SEL1L2: variants seen among roughly 807,000 people sequenced by gnomAD.
SEL1L2 encodes protein sel-1 homolog 2.
A neutral mutation model predicts 98.8 loss-of-function variants in SEL1L2; 89 were observed. The observed-to-expected ratio is 0.90, with a 90% CI of 0.76 to 1.07. The LOEUF (loss-of-function observed/expected upper bound fraction) is 1.07. SEL1L2 is among the 50% of genes least tolerant of loss of function. The pLI, the probability that SEL1L2 is intolerant of heterozygous loss-of-function variation, is 0.00. For missense variants in SEL1L2, 788 were observed against 812.0 expected, an observed-to-expected ratio of 0.97 and a Z score of 0.36; for synonymous variants, 262 against 278.5, an observed-to-expected ratio of 0.94 and a Z score of 0.59.
chr20:13,912,352 C>A (rs2148181759), intron 5 of SEL1L2, among the ~76,000 whole-genome samples: 1 of 141,454 alleles, frequency 7.1e-6, no homozygotes, highest in Admixed American at 7.7e-5. Flanking sequence ...CGTTGGAGTG[C>A]AGTGGCACAG....
At chr20:13,875,319 G>A (rs2046383763) in intron 12 of SEL1L2, among the ~76,000 whole-genome samples, 1 of 152,178 alleles carries the variant, frequency 6.6e-6, no homozygotes, top group Non-Finnish European at 1.5e-5. Flanking sequence ...TGCCCAGGCT[G>A]GTCTCAAACT....
intron 3 of SEL1L2, among the ~76,000 whole-genome samples, chr20:13,929,627 A>G (rs1312362463): frequency 6.9e-6 from 1 of 145,704 alleles, no homozygotes; most frequent in Non-Finnish European, 1.5e-5. Flanking sequence ...CAGCCTCCCG[A>G]GTAGCTTGGA....
intron 2 of SEL1L2, among the ~76,000 whole-genome samples, chr20:13,946,560 G>C (rs920654490): frequency 1.3e-5 from 2 of 152,266 alleles, no homozygotes; most frequent in Non-Finnish European, 2.9e-5. Flanking sequence ...GCCAGCTGCA[G>C]CAGGGGAAGC....
intron 5 of SEL1L2, among the ~76,000 whole-genome samples, chr20:13,897,936 C>CTAA (rs1568925475): frequency 6.6e-6 from 1 of 151,460 alleles, no homozygotes; most frequent in Admixed American, 6.6e-5. Context: ...AAGATGGCCA[C>CTAA]TATAAACACA....
chr20:13,869,312 C>T (rs1040975050), intron 14 of SEL1L2, among the ~76,000 whole-genome samples, 191 bp downstream of exon 14: 1 of 152,216 alleles, frequency 6.6e-6, no homozygotes, highest in African/African-American at 2.4e-5. Context: ...AGCTTCCTGA[C>T]TCTGCACCTC....
chr20:13,955,962 T>G (rs1265548596), intron 2 of SEL1L2, 114 bp downstream of exon 2: 1 of 653,280 alleles, frequency 1.5e-6, no homozygotes. Context: ...TAATATTGAT[T>G]GAGAATTAAA....
chr20:13,950,881 C>T (rs2050227910), intron 2 of SEL1L2, among the ~76,000 whole-genome samples: 1 of 152,078 alleles, frequency 6.6e-6, no homozygotes, highest in Non-Finnish European at 1.5e-5. Flanking sequence ...GAAAGGGTTA[C>T]AGGGGAAGAA....
At chr20:13,893,370 C>T (rs745397380) in intron 5 of SEL1L2, among the ~76,000 whole-genome samples, 21 of 152,170 alleles carry the variant, frequency 1.4e-4, no homozygotes, top group Non-Finnish European at 2.4e-4. Context: ...AGCAGCCCTA[C>T]TTATATCAGA....
intron 18 of SEL1L2, among the ~76,000 whole-genome samples, chr20:13,855,084 C>A (rs1391291749): frequency 6.6e-6 from 1 of 150,858 alleles, no homozygotes; most frequent in South Asian, 2.1e-4. Context: ...ATCTGGGGTT[C>A]CTTGAGGGAT....
upstream of SEL1L2, among the ~76,000 whole-genome samples, chr20:13,993,763 T>C (rs2148599705): frequency 6.6e-6 from 1 of 152,352 alleles, no homozygotes. Context: ...TATTGCTTAA[T>C]ATTAGCATTG....
At chr20:13,937,069 C>T (rs1192841123) in intron 2 of SEL1L2, among the ~76,000 whole-genome samples, 4 of 152,210 alleles carry the variant, frequency 2.6e-5, no homozygotes, top group African/African-American at 9.6e-5. Context: ...AGATTCTTTC[C>T]TATTTCCTTG....
chr20:13,912,284 T>C (rs955323101), intron 5 of SEL1L2, among the ~76,000 whole-genome samples: 2 of 151,328 alleles, frequency 1.3e-5, no homozygotes, highest in Admixed American at 6.6e-5. Context: ...GGACTTTTTT[T>C]CTGTGGGATT....
chr20:13,898,860 AC>A (rs2047537887), intron 5 of SEL1L2, among the ~76,000 whole-genome samples: 1 of 151,950 alleles, frequency 6.6e-6, no homozygotes, highest in Non-Finnish European at 1.5e-5. Flanking sequence ...CTCCTGCCTC[AC>A]CCTCCCGAGT....
chr20:13,954,926 G>A (rs1221705078), intron 2 of SEL1L2, among the ~76,000 whole-genome samples: 2 of 152,184 alleles, frequency 1.3e-5, no homozygotes, highest in African/African-American at 4.8e-5. Flanking sequence ...TGCTAATTAT[G>A]GGATGTGGTA....
At chr20:13,993,405 A>G (rs1266991969), upstream of SEL1L2, among the ~76,000 whole-genome samples, 1 of 152,214 alleles carries the variant, frequency 6.6e-6, no homozygotes, top group East Asian at 1.9e-4. Flanking sequence ...TCAGTTTGGT[A>G]CACGGCACAT....
intron 18 of SEL1L2, among the ~76,000 whole-genome samples, chr20:13,858,910 T>C (rs1296220344): frequency 1.3e-5 from 2 of 152,072 alleles, no homozygotes; most frequent in Non-Finnish European, 2.9e-5. Flanking sequence ...TGAGAACCAG[T>C]GGAAATTTTA....
intron 2 of SEL1L2, among the ~76,000 whole-genome samples, chr20:13,948,549 A>T (rs953712633): frequency 1.3e-5 from 2 of 152,258 alleles, no homozygotes; most frequent in Admixed American, 1.3e-4. Flanking sequence ...CTGGATAGCC[A>T]TGTGCAAAAG....
In SEL1L2 at chr20:13,921,452, G is replaced by A. The variant is rs970030979; in HGVS notation, c.284-2329C>T. ...TTCCCAAAATGCTGGGATTACAGGC[G>A]TGAGTCACCACACTCAGCCGCTGTT... On this transcript the variant is annotated intron_variant, in intron 3 of 19. Coordinates refer to ENST00000284951, the MANE Select transcript of SEL1L2 (RefSeq NM_025229.2). Among the ~76,000 whole-genome samples the A allele has an allele frequency of 1.3e-3, 192 of 152,248 alleles. 4 individuals carry two copies. Among genetic ancestry groups the A allele is most frequent in the Non-Finnish European group, 2.2e-4 (15 of 68,008 alleles).
chr20:13,915,203 G>A (rs776577812), intron 4 of SEL1L2: 136 of 1,289,366 alleles, frequency 1.1e-4, no homozygotes, highest in Non-Finnish European at 4.6e-5. Flanking sequence ...AGGCAAGAAG[G>A]ACCTCAGACA....
Sources: gnomAD v4.1 joint callset for allele counts (sites outside exome capture counted in the v4.1 genomes callset) on GRCh38, gnomAD v4.1.1 for gene constraint, MANE v1.5 for transcripts, NCBI Gene and HGNC (gene_info 2026-07-23, HGNC 2026-07-21) for gene names.